The following PRKCA variants were observed in gnomAD, a reference collection of about 807,000 sequenced individuals.
PRKCA encodes the protein protein kinase C alpha, also known as protein kinase C alpha type.
PRKCA carries 27 observed loss-of-function variants against 87.0 expected under a neutral mutation model. That is an observed-to-expected ratio of 0.31 (90% CI 0.23 to 0.43). The LOEUF is 0.43. PRKCA is among the 20% of genes least tolerant of loss of function. The pLI is 1.00. For missense variants in PRKCA, 518 were observed against 852.3 expected (o/e 0.61, Z 4.88); for synonymous variants, 329 against 311.1 (o/e 1.06, Z -0.61).
At chr17:66,508,831 C>T (rs1000148811) in intron 3 of PRKCA, among the ~76,000 whole-genome samples, 13 of 152,134 alleles carry the variant, frequency 8.5e-5, no homozygotes, top group African/African-American at 2.9e-4. Context: ...ATTGCCACCC[C>T]GTGGTACTCC....
intron 5 of PRKCA, among the ~76,000 whole-genome samples, chr17:66,654,888 C>T (rs184625701): frequency 1.3e-4 from 20 of 152,324 alleles, no homozygotes; most frequent in Admixed American, 9.8e-4. Flanking sequence ...CGCTACAGGA[C>T]GTGTTTTGAC....
intron 3 of PRKCA, among the ~76,000 whole-genome samples, chr17:66,556,657 A>C (rs1968504631): frequency 6.6e-6 from 1 of 152,126 alleles, no homozygotes; most frequent in Admixed American, 6.5e-5. Context: ...TGTTTTTCCC[A>C]TGCTGTTCTC....
intron 13 of PRKCA, among the ~76,000 whole-genome samples, chr17:66,759,696 A>C (rs536235343): frequency 1.0e-3 from 152 of 152,358 alleles, no homozygotes; most frequent in Non-Finnish European, 1.9e-3. Context: ...CAAGAAATCC[A>C]CTTTAAGTAT....
At chr17:66,765,416 GTCTATA>G (rs1456695704) in intron 13 of PRKCA, among the ~76,000 whole-genome samples, 2 of 16,032 alleles carry the variant, frequency 1.2e-4, no homozygotes, top group African/African-American at 4.4e-4. Context: ...GCAAGACTTT[GTCTATA>G]TATATATATA....
chr17:66,326,923 C>T (rs956765584), intron 2 of PRKCA, among the ~76,000 whole-genome samples: 9 of 152,054 alleles, frequency 5.9e-5, no homozygotes, highest in Non-Finnish European at 1.2e-4. Context: ...GTAAAAATCA[C>T]CAGGCATGGT....
intron 5 of PRKCA, among the ~76,000 whole-genome samples, chr17:66,650,681 C>A (rs1054410944): frequency 4.6e-5 from 7 of 152,192 alleles, no homozygotes; most frequent in Admixed American, 2.0e-4. Context: ...CCCAGAGACT[C>A]CTCCTGCCTA....
At chr17:66,639,382 C>T (rs926127769) in intron 3 of PRKCA, 1 of 152,054 alleles carries the variant, frequency 6.6e-6, no homozygotes, top group African/African-American at 2.4e-5. Context: ...CAGAGCTCTA[C>T]TATTATTTAT....
At chr17:66,323,494 T>C (rs1905800815) in intron 2 of PRKCA, among the ~76,000 whole-genome samples, 1 of 152,212 alleles carries the variant, frequency 6.6e-6, no homozygotes, top group African/African-American at 2.4e-5. Flanking sequence ...CACTGAGACA[T>C]CTACTGAGTG....
chr17:66,458,734 G>A (rs1287947619), intron 2 of PRKCA, among the ~76,000 whole-genome samples: 1 of 152,122 alleles, frequency 6.6e-6, no homozygotes, highest in Non-Finnish European at 1.5e-5. Flanking sequence ...GCCCACCTCA[G>A]CCTCCTAAAC....
chr17:66,804,713 A>G lies in PRKCA; in HGVS notation c.*676A>G, dbSNP rs1975988814. 1 of 152,816 alleles carries G rather than the reference A, an allele frequency of 6.5e-6. No individual in the cohort carries two copies. Among genetic ancestry groups the G allele is most frequent in the Non-Finnish European group, 1.5e-5 (1 of 68,192 alleles). 9.5% of individuals were successfully genotyped at this position (152,816 alleles called of 1,614,324 possible). ...TGTCATCTGGTACCCTCCTTGGTTG[A>G]TAACTGTCTTGATACTTTTCATTCT... On this transcript the variant is annotated 3_prime_UTR_variant, in exon 17 of 17. Coordinates refer to ENST00000413366, the MANE Select transcript of PRKCA (RefSeq NM_002737.3).
chr17:66,666,605 A>G (rs1972048928), intron 5 of PRKCA, among the ~76,000 whole-genome samples: 1 of 152,154 alleles, frequency 6.6e-6, no homozygotes, highest in Non-Finnish European at 1.5e-5. Flanking sequence ...CTCATTTCCT[A>G]CTACCCAAGG....
chr17:66,474,734 TA>T (rs1915469059), intron 2 of PRKCA, among the ~76,000 whole-genome samples: 2 of 152,232 alleles, frequency 1.3e-5, no homozygotes, highest in African/African-American at 4.8e-5. Flanking sequence ...TAACAACAAC[TA>T]AAGCTTTTTC....
chr17:66,439,195 T>C (rs1000769509), intron 2 of PRKCA, among the ~76,000 whole-genome samples: 1 of 151,602 alleles, frequency 6.6e-6, no homozygotes, highest in African/African-American at 2.4e-5. Context: ...TTCTTTTTTT[T>C]ATTGAGACAG....
chr17:66,628,416 GATTTAT>G (rs138110724), intron 3 of PRKCA, among the ~76,000 whole-genome samples: 18,517 of 151,946 alleles, frequency 0.12, 1,381 homozygotes, highest in Non-Finnish European at 0.16. Context: ...ATGTGACACT[GATTTAT>G]ATTTAATGAC....
At chr17:66,772,931 C>G (rs1974973690) in intron 13 of PRKCA, among the ~76,000 whole-genome samples, 1 of 151,986 alleles carries the variant, frequency 6.6e-6, no homozygotes, top group African/African-American at 2.4e-5. Flanking sequence ...TACTTTATCT[C>G]TTTTCTATTT....
Position 66,805,114 on chromosome 17 carries a change from G to T in PRKCA, c.*1077G>T, listed in dbSNP as rs1343011145. On this transcript the variant is annotated 3_prime_UTR_variant, in exon 17 of 17. Transcript: ENST00000413366. ...GATTTTCCTCCCTTCTCTAGCCCTG[G>T]ATGTCCACTTAGGGATAAAAAGAAT... 2.4e-5 allele frequency: 24 copies of T among 984,076 alleles called. No individual in the cohort carries two copies. Among genetic ancestry groups the T allele is most frequent in the Non-Finnish European group, 2.7e-5 (22 of 828,836 alleles). The allele number at this position is 984,076 out of a possible 1,614,324, so 61.0% of individuals were successfully genotyped here. A position where few individuals can be genotyped will look rare whatever the true frequency, so the allele number is the denominator to read the frequency against.
chr17:66,712,672 A>C (rs956037432), intron 8 of PRKCA, among the ~76,000 whole-genome samples: 14 of 152,072 alleles, frequency 9.2e-5, no homozygotes, highest in African/African-American at 3.4e-4. Flanking sequence ...TCGTCATTCC[A>C]AGAAGGCAGC....
intron 4 of PRKCA, among the ~76,000 whole-genome samples, chr17:66,644,273 G>A (rs1293231514): frequency 1.3e-5 from 2 of 152,182 alleles, no homozygotes; most frequent in Non-Finnish European, 2.9e-5. Context: ...CATTATTCAT[G>A]ATGCTTTTTC....
At chr17:66,478,459 G>C (rs374633947) in intron 2 of PRKCA, among the ~76,000 whole-genome samples, 41 of 152,132 alleles carry the variant, frequency 2.7e-4, no homozygotes, top group Middle Eastern at 3.4e-3. Context: ...TCACCATGTT[G>C]GTCAGGCTGG....
Sources: gnomAD v4.1 joint callset for allele counts (sites outside exome capture counted in the v4.1 genomes callset) on GRCh38, gnomAD v4.1.1 for gene constraint, MANE v1.5 for transcripts, NCBI Gene and HGNC (gene_info 2026-07-23, HGNC 2026-07-21) for gene names.